Variants in LRP1B observed in about 807,000 individuals in gnomAD.
LRP1B encodes the protein low-density lipoprotein receptor-related protein 1B.
LRP1B carries 217 observed loss-of-function variants against 556.6 expected under a neutral mutation model. The ratio of observed to expected loss-of-function variants is 0.39; its 90% CI spans 0.35 to 0.44. The LOEUF (loss-of-function observed/expected upper bound fraction) is 0.44. Ranked by LOEUF, LRP1B falls within the 20% of genes least tolerant of loss-of-function variation. The probability of loss-of-function intolerance (pLI) is 1.00; values close to 1 mark genes in which losing one functional copy is unlikely to be tolerated. For missense variants in LRP1B, 5,053 were observed against 5,620.8 expected, an observed-to-expected ratio of 0.90 and a Z score of 3.23; for synonymous variants, 2,047 against 1,865.8, an observed-to-expected ratio of 1.10 and a Z score of -2.50.
chr2:140,700,772 G>C, intron 40 of LRP1B, 151 bp from the exon 41 acceptor site: 1 of 821,416 alleles, frequency 1.2e-6, no homozygotes, highest in East Asian at 2.8e-5. Context: ...AATTAAAAAA[G>C]TATTGTTTTT....
chr2:140,546,994 G>C (rs755037237), intron 43 of LRP1B, among the ~76,000 whole-genome samples: 5 of 152,084 alleles, frequency 3.3e-5, no homozygotes, highest in Non-Finnish European at 7.4e-5. Context: ...TTGCATCCGA[G>C]GGATAAAGCC....
chr2:141,523,348 T>C (rs1416094314), intron 2 of LRP1B, among the ~76,000 whole-genome samples: 1 of 152,126 alleles, frequency 6.6e-6, no homozygotes, highest in Non-Finnish European at 1.5e-5. Context: ...TCATGCTGCT[T>C]GAGATCACAT....
intron 77 of LRP1B, among the ~76,000 whole-genome samples, chr2:140,348,434 T>C (rs1474989369): frequency 1.3e-5 from 2 of 152,110 alleles, no homozygotes; most frequent in Non-Finnish European, 2.9e-5. Flanking sequence ...TCCAAACTTA[T>C]AATTATGTCA....
intron 1 of LRP1B, among the ~76,000 whole-genome samples, chr2:141,854,141 A>G (rs1697959380): frequency 6.6e-6 from 1 of 152,036 alleles, no homozygotes; most frequent in Non-Finnish European, 1.5e-5. Flanking sequence ...AAACCCTTTC[A>G]TGAAGTAATT....
intron 62 of LRP1B, among the ~76,000 whole-genome samples, chr2:140,454,080 T>A (rs535472233): frequency 2.0e-5 from 3 of 152,290 alleles, no homozygotes; most frequent in African/African-American, 7.2e-5. Flanking sequence ...ATAAACGAGA[T>A]GAGTTACAGG....
At chr2:141,645,318 C>A (rs1689513322) in intron 2 of LRP1B, among the ~76,000 whole-genome samples, 1 of 152,040 alleles carries the variant, frequency 6.6e-6, no homozygotes, top group Admixed American at 6.6e-5. Flanking sequence ...TGATTGGACT[C>A]CACACCATGC....
At chr2:141,696,948 T>C (rs1691752269) in intron 2 of LRP1B, among the ~76,000 whole-genome samples, 1 of 151,930 alleles carries the variant, frequency 6.6e-6, no homozygotes, top group Admixed American at 6.6e-5. Context: ...AATACGGTAA[T>C]GTAATAATAA....
At chr2:140,976,211 T>C (rs1008946339) in intron 18 of LRP1B, among the ~76,000 whole-genome samples, 2 of 152,012 alleles carry the variant, frequency 1.3e-5, no homozygotes, top group Non-Finnish European at 2.9e-5. Context: ...TGAGCCACCA[T>C]GCCCGCCTAC....
intron 67 of LRP1B, among the ~76,000 whole-genome samples, chr2:140,380,709 A>G (rs1683434044): frequency 6.6e-6 from 1 of 152,200 alleles, no homozygotes; most frequent in South Asian, 2.1e-4. Context: ...TATCCTATTT[A>G]AAAGTAAGTG....
intron 10 of LRP1B, among the ~76,000 whole-genome samples, chr2:141,052,317 TTAGA>T (rs1356639783): frequency 1.3e-5 from 2 of 152,062 alleles, no homozygotes; most frequent in East Asian, 1.9e-4. Flanking sequence ...TCTATCAACA[TTAGA>T]TACTTACATA....
At chr2:142,005,907 A>G (rs1324917399) in intron 1 of LRP1B, among the ~76,000 whole-genome samples, 1 of 151,972 alleles carries the variant, frequency 6.6e-6, no homozygotes, top group African/African-American at 2.4e-5. Context: ...AGAAAAAAAA[A>G]AGAAAAAAAA....
chr2:141,850,478 T>G (rs1697809926), intron 1 of LRP1B, among the ~76,000 whole-genome samples: 1 of 151,448 alleles, frequency 6.6e-6, no homozygotes, highest in Non-Finnish European at 1.5e-5. Context: ...CTAAAAATGG[T>G]CATTTTATTT....
Position 140,232,367 on chromosome 2 carries a change from C to G in LRP1B, c.*819G>C, listed in dbSNP as rs774509644. The stretch of plus-strand genomic sequence containing the variant: ...AAGAAATACCTAAGATGCAAGTACC[C>G]AATGCCCTGTTGTGCTCTAGGCTGG... On this transcript the variant is annotated 3_prime_UTR_variant, in exon 91 of 91. Coordinates refer to ENST00000389484, the MANE Select transcript of LRP1B (RefSeq NM_018557.3). 6.6e-6 allele frequency: 1 copy of G among 151,392 alleles called. No homozygotes were observed. The allele number at this position is 151,392 out of a possible 1,614,324, so 9.4% of individuals were successfully genotyped here.
At chr2:141,410,322 G>T (rs1332878842) in intron 3 of LRP1B, among the ~76,000 whole-genome samples, 4 of 151,880 alleles carry the variant, frequency 2.6e-5, no homozygotes, top group Admixed American at 6.6e-5. Flanking sequence ...ACTAATAAAA[G>T]AAAACAAAAC....
intron 2 of LRP1B, among the ~76,000 whole-genome samples, chr2:141,702,026 T>A (rs563616565): frequency 6.6e-6 from 1 of 151,874 alleles, no homozygotes; most frequent in Non-Finnish European, 1.5e-5. Flanking sequence ...ACCACAGAGT[T>A]CTTCAGACCA....
At chr2:142,029,936 A>G (rs77980347) in intron 1 of LRP1B, among the ~76,000 whole-genome samples, 10,372 of 151,610 alleles carry the variant, frequency 0.068, 462 homozygotes, top group East Asian at 0.2. Flanking sequence ...ATATCTCATC[A>G]TTACTCAAAC....
chr2:141,901,573 C>T (rs1173545750), intron 1 of LRP1B, among the ~76,000 whole-genome samples: 1 of 151,762 alleles, frequency 6.6e-6, no homozygotes, highest in Non-Finnish European at 1.5e-5. Flanking sequence ...ATACATAATA[C>T]ATTTATGTGC....
chr2:141,494,892 C>T (rs1683461437), intron 2 of LRP1B, among the ~76,000 whole-genome samples: 1 of 151,246 alleles, frequency 6.6e-6, no homozygotes, highest in Admixed American at 6.6e-5. Flanking sequence ...TGACACTAAA[C>T]TACTAAATAG....
chr2:140,840,929 G>T lies in LRP1B; in HGVS notation c.5103C>A (p.His1701Gln), dbSNP rs751437552. 1 of 1,603,334 alleles carries T rather than the reference G, an allele frequency of 6.2e-7. No homozygotes were observed. The highest frequency in any genetic ancestry group is 1.1e-5 in the South Asian group (1 of 88,334). ...GIDKPQCLAA[H>Q]PVRGKLYWTD... ...AAATCATACTTTACCCCCTGACTGG[G>T]TGAGCTGCAAGACACTGTGGCTTAT... is the stretch of plus-strand genomic sequence containing the variant. The change falls in exon 30 of 91, where the codon CAC becomes CAA. Residue 1701 changes from histidine (H) to glutamine (Q), a missense_variant. Transcript: ENST00000389484.
Sources: gnomAD v4.1 joint callset for allele counts (sites outside exome capture counted in the v4.1 genomes callset) on GRCh38, gnomAD v4.1.1 for gene constraint, MANE v1.5 for transcripts, NCBI Gene and HGNC (gene_info 2026-07-23, HGNC 2026-07-21) for gene names.